Variants in ATP6AP2 observed in about 807,000 individuals in gnomAD.
ATP6AP2 encodes ATPase H+ transporting accessory protein 2.
A neutral mutation model predicts 23.4 loss-of-function variants in ATP6AP2; 1 was observed. That is an observed-to-expected ratio of 0.04 (90% CI 0.02 to 0.20). ATP6AP2 has a LOEUF of 0.20. ATP6AP2 is among the 10% of genes least tolerant of loss of function. The pLI, the probability that ATP6AP2 is intolerant of heterozygous loss-of-function variation, is 1.00. For missense variants in ATP6AP2, 174 were observed against 271.3 expected (o/e 0.64, Z 2.52); for synonymous variants, 90 against 97.1 (o/e 0.93, Z 0.43).
At chrX:40,589,424 G>A in intron 2 of ATP6AP2, 1 of 236,116 alleles carries the variant, frequency 4.2e-6, no homozygotes. Context: ...GATTTTGGAT[G>A]AGTGCTTCAA....
At position 40,605,838 on chromosome X, in the gene ATP6AP2, G is replaced by A. The variant is rs1341893193; in HGVS notation, c.*83G>A. 8.5e-6 allele frequency: 7 copies of A among 819,238 alleles called. No individual in the cohort carries two copies. The highest frequency in any genetic ancestry group is 2.6e-5 in the Admixed American group (1 of 38,642). The allele number at this position is 819,238 out of a possible 1,213,427, so 67.5% of individuals were successfully genotyped here. A position where few individuals can be genotyped will look rare whatever the true frequency, so the allele number is the denominator to read the frequency against. On this transcript the variant is annotated 3_prime_UTR_variant, in exon 9 of 9. Coordinates refer to ENST00000636580, the MANE Select transcript of ATP6AP2 (RefSeq NM_005765.3). ...ATATCTTTTAGTGTGCTTTAAAGTAGATAGTATACTTTACATTTATAAAAA... is the reference window on the plus strand; with the variant it reads ...ATATCTTTTAGTGTGCTTTAAAGTAAATAGTATACTTTACATTTATAAAAA...
intron 3 of ATP6AP2, among the ~76,000 whole-genome samples, chrX:40,592,758 A>AT (rs573173496): frequency 0.011 from 1,110 of 102,519 alleles, 11 homozygotes; most frequent in African/African-American, 0.034. Flanking sequence ...AAGTTTTGGG[A>AT]TTTTTTTTTT....
chrX:40,596,667 A>G (rs1926783080), intron 3 of ATP6AP2, among the ~76,000 whole-genome samples: 1 of 111,872 alleles, frequency 8.9e-6, no homozygotes. Context: ...TCTTATCACC[A>G]TTGGTTATTT....
intron 8 of ATP6AP2, among the ~76,000 whole-genome samples, chrX:40,602,285 T>TA (rs984931966): frequency 4.3e-5 from 4 of 92,491 alleles, no homozygotes; most frequent in Admixed American, 2.4e-4. Flanking sequence ...CCGTCTCAAA[T>TA]AAAAAAAAAA....
chrX:40,595,433 A>G (rs113551374), intron 3 of ATP6AP2, among the ~76,000 whole-genome samples: 4,725 of 112,463 alleles, frequency 0.042, 116 homozygotes, highest in African/African-American at 0.098. Context: ...CCCTTACAAT[A>G]CAGTGAGAGA....
chrX:40,604,603 T>A (rs1927022608), intron 8 of ATP6AP2, among the ~76,000 whole-genome samples: 2 of 111,301 alleles, frequency 1.8e-5, no homozygotes, highest in Admixed American at 1.9e-4. Context: ...TATCAATAGC[T>A]TAAGAGAATG....
At chrX:40,601,168 A>G (rs771579803) in intron 8 of ATP6AP2, among the ~76,000 whole-genome samples, 15 of 112,115 alleles carry the variant, frequency 1.3e-4, no homozygotes, top group Non-Finnish European at 2.3e-4. Context: ...AGGAGATATC[A>G]GAAGTTAATG....
At chrX:40,598,815 A>G (rs1307994307) in intron 6 of ATP6AP2, 81 bp downstream of exon 6, 5 of 917,817 alleles carry the variant, frequency 5.4e-6, no homozygotes, top group Non-Finnish European at 6.3e-6. Flanking sequence ...GGCAGTTGAA[A>G]AGTTTGATTA....
intron 5 of ATP6AP2, chrX:40,598,325 A>G (rs773382985): frequency 4.3e-6 from 1 of 232,963 alleles, no homozygotes; most frequent in African/African-American, 2.9e-5. Context: ...TGTGGAAACT[A>G]TTCAAGGGAA....
intron 2 of ATP6AP2, chrX:40,591,000 T>A: frequency 5.6e-6 from 2 of 358,981 alleles, no homozygotes; most frequent in Non-Finnish European, 9.6e-6. Flanking sequence ...TCAGATGACT[T>A]ACTATTGGAC....
At chrX:40,589,206 G>A (rs1012484358) in intron 2 of ATP6AP2, 90 bp downstream of exon 2, 13 of 1,026,456 alleles carry the variant, frequency 1.3e-5, no homozygotes, top group South Asian at 7.7e-5. Context: ...TCAAACGAAC[G>A]TAGGTACGTT....
intron 1 of ATP6AP2, among the ~76,000 whole-genome samples, chrX:40,587,386 C>T (rs114695789): frequency 0.036 from 4,009 of 112,227 alleles, 159 homozygotes; most frequent in African/African-American, 0.12. Context: ...CTATCAGTTA[C>T]AAAAGACCAT....
chrX:40,598,204 G>A (rs1926822561), intron 5 of ATP6AP2: 1 of 161,384 alleles, frequency 6.2e-6, no homozygotes, highest in Non-Finnish European at 1.2e-5. Context: ...CTGTCCTTCA[G>A]TTTCTCCATC....
intron 3 of ATP6AP2, chrX:40,595,776 C>A (rs1926761868): frequency 8.9e-6 from 1 of 112,300 alleles, no homozygotes; most frequent in South Asian, 3.7e-4. Flanking sequence ...TCCCCCTCTT[C>A]ACTTACTCAT....
chrX:40,586,956 A>G (rs1926488596), intron 1 of ATP6AP2, among the ~76,000 whole-genome samples: 1 of 112,231 alleles, frequency 8.9e-6, no homozygotes, highest in South Asian at 3.7e-4. Flanking sequence ...TCCAAATCAA[A>G]ATATGGTTTT....
At chrX:40,598,573 C>A in intron 5 of ATP6AP2, 108 bp from the exon 6 acceptor site, 1 of 724,521 alleles carries the variant, frequency 1.4e-6, no homozygotes, top group Non-Finnish European at 2.2e-6. Flanking sequence ...TATAAATTCA[C>A]TTATATGATC....
intron 1 of ATP6AP2, among the ~76,000 whole-genome samples, chrX:40,585,517 C>T (rs1926442589): frequency 9.0e-6 from 1 of 111,319 alleles, no homozygotes; most frequent in South Asian, 3.8e-4. Flanking sequence ...ATGGAAATTG[C>T]CTTTTGAGTT....
intron 3 of ATP6AP2, among the ~76,000 whole-genome samples, chrX:40,593,237 A>C (rs1926685104): frequency 9.3e-6 from 1 of 107,265 alleles, no homozygotes; most frequent in African/African-American, 3.4e-5. Context: ...ACAGAGCGAG[A>C]CTCCATCTGG....
intron 1 of ATP6AP2, among the ~76,000 whole-genome samples, chrX:40,586,666 A>G (rs1298439184): frequency 8.9e-6 from 1 of 112,258 alleles, no homozygotes; most frequent in African/African-American, 3.2e-5. Flanking sequence ...TAGTTCGTAT[A>G]TTGAGGTGGT....
Sources: gnomAD v4.1 joint callset for allele counts (sites outside exome capture counted in the v4.1 genomes callset) on GRCh38, gnomAD v4.1.1 for gene constraint, MANE v1.5 for transcripts, NCBI Gene and HGNC (gene_info 2026-07-23, HGNC 2026-07-21) for gene names.